The following SNTA1 variants were observed in gnomAD, a reference collection of about 807,000 sequenced individuals.
SNTA1 encodes the protein syntrophin alpha 1, also known as alpha-1-syntrophin.
SNTA1 carries 31 observed loss-of-function variants against 47.1 expected under a neutral mutation model. The ratio of observed to expected loss-of-function variants is 0.66; its 90% CI spans 0.49 to 0.89. The LOEUF (loss-of-function observed/expected upper bound fraction) is 0.89. Among genes scored for constraint, SNTA1 ranks in the 40% least tolerant of loss-of-function variants. The pLI, the probability that SNTA1 is intolerant of heterozygous loss-of-function variation, is 0.00. For synonymous variants in SNTA1, 300 were observed against 313.6 expected (o/e 0.96, Z 0.46); for missense variants, 575 against 693.0 (o/e 0.83, Z 1.91).
At chr20:33,426,404 T>TCGCC (rs1214627005) in intron 2 of SNTA1, among the ~76,000 whole-genome samples, 1 of 143,672 alleles carries the variant, frequency 7.0e-6, no homozygotes, top group Non-Finnish European at 1.5e-5. Context: ...TGAGCCAGGA[T>TCGCC]CGCCCCACTG....
At chr20:33,439,866 T>A (rs1022113560) in intron 1 of SNTA1, among the ~76,000 whole-genome samples, 2 of 152,010 alleles carry the variant, frequency 1.3e-5, no homozygotes, top group Non-Finnish European at 2.9e-5. Flanking sequence ...ATGCCTGTAA[T>A]CCCAGCACTT....
In SNTA1 at chr20:33,410,129, GCA is replaced by G; in HGVS notation, c.1237+4_1237+5del. ...AGAGGGACACTCCCAGATCCTCCCA[GCA>G]CACCTGTAGACACCTCCTGCACACC... On this transcript the variant is annotated splice_donor_5th_base_variant and intron_variant, in intron 6 of 7. Coordinates refer to ENST00000217381, the MANE Select transcript of SNTA1 (RefSeq NM_003098.3). 1 of 1,614,122 alleles carries G rather than the reference GCA, an allele frequency of 6.2e-7. No homozygotes were observed. The highest frequency in any genetic ancestry group is 8.5e-7 in the Non-Finnish European group (1 of 1,179,954).
intron 1 of SNTA1, among the ~76,000 whole-genome samples, chr20:33,441,377 T>C (rs1036402149): frequency 2.0e-5 from 3 of 152,138 alleles, no homozygotes; most frequent in Admixed American, 6.6e-5. Context: ...ATCCCCAGAA[T>C]ACTGAAGATG....
intron 1 of SNTA1, 95 bp from the exon 2 acceptor site, chr20:33,439,121 T>G (rs1990517798): frequency 8.6e-7 from 1 of 1,167,068 alleles, no homozygotes; most frequent in Non-Finnish European, 1.3e-6. Context: ...CTTCCCTTGG[T>G]GCCTAGCCCA....
intron 2 of SNTA1, among the ~76,000 whole-genome samples, chr20:33,434,817 C>T (rs991688815): frequency 2.0e-5 from 3 of 151,590 alleles, no homozygotes; most frequent in African/African-American, 2.4e-5. Flanking sequence ...GGATTACAGG[C>T]GTAAGCCACC....
At chr20:33,439,847 C>A (rs894999314) in intron 1 of SNTA1, among the ~76,000 whole-genome samples, 3 of 151,856 alleles carry the variant, frequency 2.0e-5, no homozygotes, top group African/African-American at 7.3e-5. Context: ...GGGCCAGGTG[C>A]GGTGGCTTAT....
intron 2 of SNTA1, among the ~76,000 whole-genome samples, chr20:33,433,004 ACTGCGACATCCACCTC>A (rs1990348571): frequency 6.6e-6 from 1 of 152,094 alleles, no homozygotes; most frequent in African/African-American, 2.4e-5. Flanking sequence ...ATCTTGGCTC[ACTGCGACATCCACCTC>A]CTGGGTTCAA....
At position 33,412,605 on chromosome 20, in the gene SNTA1, G is replaced by A. The variant is rs757495742; in HGVS notation, c.879C>T (p.Asp293=). ...CAGTTAGCCAGCCAATCTGCTTGATGTCCTGGCTCCCAGCTGTGCTGGTGG... is the reference window on the plus strand; with the variant it reads ...CAGTTAGCCAGCCAATCTGCTTGATATCCTGGCTCCCAGCTGTGCTGGTGG... ...LAATSTAGSQ[D]IKQIGWLTEQ... is the part of the protein sequence containing the mutation. The change falls in exon 4 of 8, where the codon GAC becomes GAT. Residue 293 remains aspartate, a synonymous_variant. Coordinates refer to ENST00000217381, the MANE Select transcript of SNTA1 (RefSeq NM_003098.3). 2 of 1,613,832 alleles carry A rather than the reference G, an allele frequency of 1.2e-6. No individual in the cohort carries two copies. The highest frequency in any genetic ancestry group is 1.7e-6 in the Non-Finnish European group (2 of 1,179,988).
intron 2 of SNTA1, among the ~76,000 whole-genome samples, chr20:33,423,794 T>C (rs1990091430): frequency 6.6e-6 from 1 of 152,222 alleles, no homozygotes; most frequent in Non-Finnish European, 1.5e-5. Context: ...CAGTGCTTAA[T>C]AAATGTCTGT....
At chr20:33,425,754 C>T (rs980212290) in intron 2 of SNTA1, among the ~76,000 whole-genome samples, 1 of 152,126 alleles carries the variant, frequency 6.6e-6, no homozygotes, top group Non-Finnish European at 1.5e-5. Flanking sequence ...GACTTGACCT[C>T]TGCGAGCCTC....
chr20:33,443,407 C>T lies in SNTA1; in HGVS notation c.214G>A (p.Ala72Thr). 4 of 1,343,922 alleles carry T rather than the reference C, an allele frequency of 3.0e-6. No homozygotes were observed. Among genetic ancestry groups the T allele is most frequent in the South Asian group, 3.7e-5 (2 of 54,432 alleles). 83.2% of individuals were successfully genotyped at this position (1,343,922 alleles called of 1,614,324 possible). Reference protein sequence around the residue: ...AQLNGAAEPGAGPPQLPEALL... With the variant: ...AQLNGAAEPGTGPPQLPEALL... ...GCCTCTGGCAGCTGCGGGGGCCCGG[C>T]GCCCGGCTCCGCGGCGCCGTTGAGC... The change falls in exon 1 of 8, where the codon GCC becomes ACC. Residue 72 changes from alanine (A) to threonine (T), a missense_variant. By Grantham distance (58) the Ala-to-Thr change is moderately conservative (BLOSUM62 0). Transcript: ENST00000217381.
At chr20:33,416,102 C>A (rs1051101631) in intron 3 of SNTA1, among the ~76,000 whole-genome samples, 1 of 152,098 alleles carries the variant, frequency 6.6e-6, no homozygotes, top group African/African-American at 2.4e-5. Context: ...AGCGATACTC[C>A]GTCTCAAAAA....
intron 2 of SNTA1, among the ~76,000 whole-genome samples, chr20:33,438,621 G>C (rs1010216378): frequency 6.6e-6 from 1 of 152,202 alleles, no homozygotes; most frequent in Non-Finnish European, 1.5e-5. Context: ...GTGACTGGAA[G>C]ACAGAAAATG....
At chr20:33,428,290 T>C (rs943489159) in intron 2 of SNTA1, among the ~76,000 whole-genome samples, 11 of 152,096 alleles carry the variant, frequency 7.2e-5, no homozygotes, top group Middle Eastern at 3.4e-3. Flanking sequence ...GCACCTGTAG[T>C]CCCAGCTATT....
At chr20:33,439,906 C>G (rs1429126154) in intron 1 of SNTA1, among the ~76,000 whole-genome samples, 1 of 151,036 alleles carries the variant, frequency 6.6e-6, no homozygotes, top group Non-Finnish European at 1.5e-5. Flanking sequence ...GGTGGATCAC[C>G]TAAGGTCAGG....
chr20:33,428,409 A>G (rs1447195381), intron 2 of SNTA1, among the ~76,000 whole-genome samples: 1 of 151,972 alleles, frequency 6.6e-6, no homozygotes, highest in Non-Finnish European at 1.5e-5. Flanking sequence ...ACACTGTCTC[A>G]AAAAAATTAT....
intron 3 of SNTA1, among the ~76,000 whole-genome samples, chr20:33,413,419 G>A (rs1235234282): frequency 2.0e-5 from 3 of 151,016 alleles, no homozygotes; most frequent in Admixed American, 6.6e-5. Flanking sequence ...ATGAGCCACC[G>A]TGCCCAGCCT....
chr20:33,415,815 T>C (rs1989860892), intron 3 of SNTA1, among the ~76,000 whole-genome samples: 1 of 149,094 alleles, frequency 6.7e-6, no homozygotes. Flanking sequence ...AATACAAAAA[T>C]TAGTCTATTA....
Position 33,443,507 on chromosome 20 carries a change from G to A in SNTA1, c.114C>T (p.Asp38=), listed in dbSNP as rs780018849. The A allele has an allele frequency of 1.4e-4, 192 of 1,376,886 alleles. No homozygotes were observed. In the Middle Eastern group the frequency reaches 1.9e-3, roughly 13 times the overall value. 85.3% of individuals were successfully genotyped at this position (1,376,886 alleles called of 1,614,324 possible). The change falls in exon 1 of 8, where the codon GAC becomes GAT. Residue 38 remains aspartate, a synonymous_variant. Transcript: ENST00000217381. ...CGTCGGCGGGGCTCACGGTCAGCAC[G>A]TCCTCCGCCAGACTCAGCAGCACCC... ...WQRVLLSLAE[D]VLTVSPADGD...
Sources: gnomAD v4.1 joint callset for allele counts (sites outside exome capture counted in the v4.1 genomes callset) on GRCh38, gnomAD v4.1.1 for gene constraint, MANE v1.5 for transcripts, NCBI Gene and HGNC (gene_info 2026-07-23, HGNC 2026-07-21) for gene names.